Variants in ARF3 observed in about 807,000 individuals in gnomAD.
The protein encoded by ARF3 is ADP-ribosylation factor 3.
Under a neutral mutation model 19.3 loss-of-function variants are expected in ARF3, and 5 were observed. The observed-to-expected ratio is 0.26, with a 90% CI of 0.14 to 0.54. The LOEUF (loss-of-function observed/expected upper bound fraction) is 0.54. Among genes scored for constraint, ARF3 ranks in the 20% least tolerant of loss-of-function variants. The pLI is 0.95. For missense variants in ARF3, 77 were observed against 234.2 expected (o/e 0.33, Z 4.38); for synonymous variants, 71 against 89.2 (o/e 0.80, Z 1.15).
intron 1 of ARF3, among the ~76,000 whole-genome samples, chr12:48,948,719 G>A (rs1288377702): frequency 6.6e-6 from 1 of 152,026 alleles, no homozygotes; most frequent in Non-Finnish European, 1.5e-5. Flanking sequence ...GCTGAGGCAG[G>A]AGAATTGCTT....
intron 1 of ARF3, among the ~76,000 whole-genome samples, chr12:48,952,276 A>C (rs1940485826): frequency 6.6e-6 from 1 of 152,214 alleles, no homozygotes; most frequent in Non-Finnish European, 1.5e-5. Context: ...ACGCCTGGGA[A>C]GGGTCTGGCT....
chr12:48,947,911 G>A (rs1320476198), intron 1 of ARF3, among the ~76,000 whole-genome samples: 1 of 151,980 alleles, frequency 6.6e-6, no homozygotes. Context: ...TGTGTGCAAA[G>A]GCATAAAGAC....
intron 1 of ARF3, among the ~76,000 whole-genome samples, chr12:48,951,929 C>A (rs1940479924): frequency 1.3e-5 from 2 of 151,452 alleles, no homozygotes; most frequent in Non-Finnish European, 1.5e-5. Flanking sequence ...AAATAGCGGG[C>A]AGAAAAGCAG....
chr12:48,944,925 G>C (rs979309176), intron 1 of ARF3, among the ~76,000 whole-genome samples: 1 of 151,966 alleles, frequency 6.6e-6, no homozygotes, highest in Non-Finnish European at 1.5e-5. Flanking sequence ...TGAGGTGGGC[G>C]TATCACCTGA....
rs1348966113 is a variant in ARF3, at chr12:48,938,071, T to C, written c.*876A>G. 9.2e-6 allele frequency: 2 copies of C among 217,252 alleles called. No homozygotes were observed. The highest frequency in any genetic ancestry group is 2.3e-5 in the African/African-American group (1 of 44,166). 13.5% of individuals were successfully genotyped at this position (217,252 alleles called of 1,614,324 possible). ...CTGAAGATGGTGGGGAAGGATCAGTTGAACACTCTAAGCTGATAAGAGTGA... is the reference window on the plus strand; with the variant it reads ...CTGAAGATGGTGGGGAAGGATCAGTCGAACACTCTAAGCTGATAAGAGTGA... On this transcript the variant is annotated 3_prime_UTR_variant, in exon 5 of 5. Coordinates refer to ENST00000256682, the MANE Select transcript of ARF3 (RefSeq NM_001659.3).
In ARF3 at chr12:48,939,730, G is replaced by T; in HGVS notation, c.309C>A (p.Ala103=). 6.2e-7 allele frequency: 1 copy of T among 1,614,030 alleles called. No individual in the cohort carries two copies. Among genetic ancestry groups the T allele is most frequent in the African/African-American group, 1.3e-5 (1 of 74,958 alleles). The change falls in exon 4 of 5, where the codon GCC becomes GCA. Residue 103 remains alanine (A), a synonymous_variant. Coordinates refer to ENST00000256682, the MANE Select transcript of ARF3 (RefSeq NM_001659.3). This position sits in a 1 kb window ranked among gnomAD's most constrained non-coding sequence, Gnocchi z 4.8. ...DSNDRERVNE[A]REELMRMLAE... Reference sequence around the variant, plus strand: ...CCAGCATTCTCATCAGCTCTTCCCGGGCCTCATTTACTCGCTCCCGATCAT... The same window carrying T: ...CCAGCATTCTCATCAGCTCTTCCCGTGCCTCATTTACTCGCTCCCGATCAT...
Position 48,941,129 on chromosome 12 carries a change from C to A in ARF3, c.-34G>T. ...CAGCTGCTTTCTGGGGACAGTGGGG[C>A]CCAAGTAGGGGCAGTGGCAGTCTGG... On this transcript the variant is annotated 5_prime_UTR_variant, in exon 2 of 5. Transcript: ENST00000256682. The A allele has an allele frequency of 6.3e-7, 1 of 1,594,292 alleles. No homozygotes were observed. Among genetic ancestry groups the A allele is most frequent in the Non-Finnish European group, 8.6e-7 (1 of 1,168,572 alleles).
At chr12:48,945,884 C>A (rs1200409198) in intron 1 of ARF3, among the ~76,000 whole-genome samples, 1 of 152,180 alleles carries the variant, frequency 6.6e-6, no homozygotes, top group Admixed American at 6.5e-5. Flanking sequence ...CTCACTGCAA[C>A]TTCTGCCTCC....
chr12:48,949,034 TAGAG>T (rs1191241966), intron 1 of ARF3, among the ~76,000 whole-genome samples: 25 of 152,132 alleles, frequency 1.6e-4, no homozygotes, highest in Admixed American at 1.6e-3. Context: ...CAAGTGGAGA[TAGAG>T]AGAAGAGGAC....
chr12:48,938,699 T>G lies in ARF3; in HGVS notation c.*248A>C. ...AGAGAGGGGCCACCCCATGAAACCG[T>G]AACAACTTTTTGTTTTAAATCCAGT... is the stretch of plus-strand genomic sequence containing the variant. On this transcript the variant is annotated 3_prime_UTR_variant, in exon 5 of 5. Transcript: ENST00000256682. 1 of 531,498 alleles carries G rather than the reference T, an allele frequency of 1.9e-6. No homozygotes were observed. Among genetic ancestry groups the G allele is most frequent in the South Asian group, 2.0e-5 (1 of 49,614 alleles). The allele number at this position is 531,498 out of a possible 1,614,324, so 32.9% of individuals were successfully genotyped here.
chr12:48,939,877 C>T lies in ARF3; in HGVS notation c.260-98G>A. Reference sequence around the variant, plus strand: ...CCTGACACCCTCCAAATATTTGCTCCCTTTCCTCCCTTTCTTCTGCCCCCA... The same window carrying T: ...CCTGACACCCTCCAAATATTTGCTCTCTTTCCTCCCTTTCTTCTGCCCCCA... On this transcript the variant is annotated intron_variant, in intron 3 of 4. Transcript: ENST00000256682. The surrounding 1 kb of genome is among the most constrained non-coding windows in gnomAD (Gnocchi z 4.8). 6.3e-7 allele frequency: 1 copy of T among 1,596,720 alleles called. No individual in the cohort carries two copies. Among genetic ancestry groups the T allele is most frequent in the Non-Finnish European group, 8.6e-7 (1 of 1,166,172 alleles).
rs200561063 is a variant in ARF3, at chr12:48,941,015, G to A, written c.81C>T (p.Ala27=). The change falls in exon 2 of 5, where the codon GCC becomes GCT. Residue 27 remains alanine (A), a synonymous_variant. Coordinates refer to ENST00000256682, the MANE Select transcript of ARF3 (RefSeq NM_001659.3). Reference sequence around the variant, plus strand: ...TGTATAGGATGGTGGTCTTTCCTGCGGCATCCAGGCCCACCATCAGGATGC... The same window carrying A: ...TGTATAGGATGGTGGTCTTTCCTGCAGCATCCAGGCCCACCATCAGGATGC... ...EMRILMVGLD[A]AGKTTILYKL... is the part of the protein sequence containing the mutation. 3.7e-5 allele frequency: 59 copies of A among 1,613,686 alleles called. No homozygotes were observed. Among genetic ancestry groups the A allele is most frequent in the Admixed American group, 1.0e-4 (6 of 59,990 alleles).
At chr12:48,951,808 G>A (rs747632375) in intron 1 of ARF3, among the ~76,000 whole-genome samples, 9 of 151,988 alleles carry the variant, frequency 5.9e-5, no homozygotes, top group Middle Eastern at 3.4e-3. Context: ...GAACCTGCGA[G>A]GTGGAGGCTG....
In ARF3 at chr12:48,940,966, T is replaced by TGGG; in HGVS notation, c.129_130insCCC (p.Val43_Thr44insPro). 1 of 1,609,374 alleles carries TGGG rather than the reference T, an allele frequency of 6.2e-7. No homozygotes were observed. Among genetic ancestry groups the TGGG allele is most frequent in the Non-Finnish European group, 8.5e-7 (1 of 1,177,396 alleles). The stretch of plus-strand genomic sequence containing the variant: ...CTCTTACCAATGGTAGGGATGGTGG[T>TGGG]GACGATCTCCCCGAGTTTCAGCTTG... On this transcript the variant is annotated inframe_insertion, in exon 2 of 5. Coordinates refer to ENST00000256682, the MANE Select transcript of ARF3 (RefSeq NM_001659.3).
intron 2 of ARF3, 90 bp from the exon 3 acceptor site, chr12:48,940,197 G>A (rs1940229053): frequency 9.3e-7 from 1 of 1,072,242 alleles, no homozygotes; most frequent in East Asian, 2.4e-5. Flanking sequence ...CTTTCCCCCA[G>A]TGGTGGCCAT....
rs199996245 is a variant in ARF3, at chr12:48,945,818, T to C, written c.-93-4630A>G. Among the ~76,000 whole-genome samples, 10 of 152,292 alleles carry C rather than the reference T, an allele frequency of 6.6e-5. No homozygotes were observed. In the East Asian group the frequency reaches 1.9e-3, roughly 29 times the overall value. ...TGACTCCTCCTCTTTATTTATTTATTTTTTTTGAGACAGTCTCGCTCTGTC... is the reference window on the plus strand; with the variant it reads ...TGACTCCTCCTCTTTATTTATTTATCTTTTTTGAGACAGTCTCGCTCTGTC... On this transcript the variant is annotated intron_variant, in intron 1 of 4. Transcript: ENST00000256682.
rs1210972236 is a variant in ARF3, at chr12:48,939,637, G to T, written c.384+18C>A. On this transcript the variant is annotated intron_variant, in intron 4 of 4. Coordinates refer to ENST00000256682, the MANE Select transcript of ARF3 (RefSeq NM_001659.3). This position sits in a 1 kb window ranked among gnomAD's most constrained non-coding sequence, Gnocchi z 4.8. ...CAGTTTGCTGTCTCCCAAATTCAGG[G>T]GTGGGAAGAAGTCTCACCTGTTTGT... 6.2e-7 allele frequency: 1 copy of T among 1,613,970 alleles called. No homozygotes were observed. Among genetic ancestry groups the T allele is most frequent in the African/African-American group, 1.3e-5 (1 of 75,006 alleles).
chr12:48,950,020 T>C (rs1165309464), intron 1 of ARF3, among the ~76,000 whole-genome samples: 1 of 152,210 alleles, frequency 6.6e-6, no homozygotes, highest in Non-Finnish European at 1.5e-5. Flanking sequence ...GGGTCCTTAA[T>C]TACAGTATCA....
chr12:48,940,215 A>G, intron 2 of ARF3, 108 bp from the exon 3 acceptor site: 1 of 876,666 alleles, frequency 1.1e-6, no homozygotes, highest in Non-Finnish European at 1.9e-6. Context: ...CATAACACCA[A>G]CAATGGAACA....
Sources: allele counts gnomAD v4.1 joint callset (sites outside exome capture counted in the v4.1 genomes callset), GRCh38; gene constraint gnomAD v4.1.1; non-coding constraint Gnocchi (gnomAD v3.1); transcripts MANE v1.5; gene names NCBI Gene and HGNC (gene_info 2026-07-23, HGNC 2026-07-21).